Variants in SH3KBP1 observed in about 807,000 individuals in gnomAD.
SH3KBP1 encodes the protein SH3 domain containing kinase binding protein 1, also known as SH3 domain-containing kinase-binding protein 1.
In SH3KBP1, 8 loss-of-function variants were observed where a neutral mutation model predicts 50.1. The observed-to-expected ratio is 0.16, with a 90% CI of 0.09 to 0.29. The LOEUF (loss-of-function observed/expected upper bound fraction) is 0.29, where lower values mean the gene tolerates loss of function less well. Ranked by LOEUF, SH3KBP1 falls within the 10% of genes least tolerant of loss-of-function variation. SH3KBP1 has a pLI of 1.00. For missense variants in SH3KBP1, 377 were observed against 535.2 expected (o/e 0.70, Z 2.92); for synonymous variants, 227 against 218.6 (o/e 1.04, Z -0.34).
chrX:19,722,561 T>TGTGTGTGTGTGTGTGC (rs1268848168), intron 3 of SH3KBP1, among the ~76,000 whole-genome samples: 13 of 94,429 alleles, frequency 1.4e-4, no homozygotes, highest in Admixed American at 4.8e-4. Context: ...TGTGTGCGCG[T>TGTGTGTGTGTGTGTGC]GCGCACTGGT....
chrX:19,683,702 C>T, intron 6 of SH3KBP1, 121 bp downstream of exon 6: 1 of 608,176 alleles, frequency 1.6e-6, no homozygotes, highest in Non-Finnish European at 2.7e-6. Flanking sequence ...GGACAAACAA[C>T]TAGTACATGA....
At chrX:19,537,150 G>A (rs935147233) in intron 17 of SH3KBP1, among the ~76,000 whole-genome samples, 2 of 111,331 alleles carry the variant, frequency 1.8e-5, no homozygotes, top group African/African-American at 3.3e-5. Context: ...GGGGCTTTTC[G>A]CAGAGATGTT....
At chrX:19,672,980 C>CGGGTGG in intron 6 of SH3KBP1, among the ~76,000 whole-genome samples, 1 of 5,868 alleles carries the variant, frequency 1.7e-4, no homozygotes, top group Non-Finnish European at 2.8e-4. Context: ...TTGCTTGAAT[C>CGGGTGG]GGGTGGGGGT....
intron 9 of SH3KBP1, among the ~76,000 whole-genome samples, chrX:19,605,716 C>T (rs1389834950): frequency 8.9e-6 from 1 of 111,796 alleles, no homozygotes; most frequent in African/African-American, 3.3e-5. Flanking sequence ...CCCATGTGCA[C>T]GCTTCACTTT....
chrX:19,698,633 A>G (rs1024321093), intron 4 of SH3KBP1, among the ~76,000 whole-genome samples: 1 of 111,740 alleles, frequency 8.9e-6, no homozygotes, highest in Admixed American at 9.4e-5. Flanking sequence ...GGAGCCCTTC[A>G]TGGGGGTGGT....
At chrX:19,647,859 A>G (rs1289043531) in intron 6 of SH3KBP1, among the ~76,000 whole-genome samples, 1 of 109,351 alleles carries the variant, frequency 9.1e-6, no homozygotes, top group Non-Finnish European at 1.9e-5. Context: ...TCAATCAGAA[A>G]CTCTGGGGAT....
chrX:19,662,570 T>G (rs1477349161), intron 6 of SH3KBP1, among the ~76,000 whole-genome samples: 1 of 111,726 alleles, frequency 9.0e-6, no homozygotes, highest in Non-Finnish European at 1.9e-5. Context: ...AAAAATTCTT[T>G]TGAAACACAA....
intron 3 of SH3KBP1, among the ~76,000 whole-genome samples, chrX:19,711,831 T>C (rs1189234993): frequency 1.8e-5 from 2 of 111,694 alleles, no homozygotes; most frequent in East Asian, 5.6e-4. Flanking sequence ...TTTCCAGGGT[T>C]ACTTCTGGCA....
At chrX:19,585,690 CCAG>C (rs760758680) in intron 12 of SH3KBP1, among the ~76,000 whole-genome samples, 146 of 108,711 alleles carry the variant, frequency 1.3e-3, no homozygotes, top group African/African-American at 4.1e-3. Flanking sequence ...ACCACCACTA[CCAG>C]CAGCAGCAGC....
chrX:19,787,480 A>C (rs2066383336), intron 2 of SH3KBP1, among the ~76,000 whole-genome samples: 1 of 111,911 alleles, frequency 8.9e-6, no homozygotes, highest in African/African-American at 3.2e-5. Flanking sequence ...AATCATAATC[A>C]AATAGTGACT....
intron 8 of SH3KBP1, among the ~76,000 whole-genome samples, chrX:19,609,821 T>C (rs933338150): frequency 1.8e-5 from 2 of 112,363 alleles, no homozygotes; most frequent in Admixed American, 9.4e-5. Flanking sequence ...GTAGAATCAA[T>C]GCAGACTCTT....
At chrX:19,571,257 G>T (rs2065999018) in intron 12 of SH3KBP1, among the ~76,000 whole-genome samples, 1 of 112,195 alleles carries the variant, frequency 8.9e-6, no homozygotes, top group Admixed American at 9.4e-5. Context: ...GGTAGAGCAT[G>T]AACTCCTGTA....
intron 2 of SH3KBP1, among the ~76,000 whole-genome samples, chrX:19,818,791 T>C (rs2067433883): frequency 9.0e-6 from 1 of 111,691 alleles, no homozygotes; most frequent in Non-Finnish European, 1.9e-5. Context: ...TAGTATATAA[T>C]TTTTTTTATA....
At chrX:19,553,909 ATAT>A (rs1222570260) in intron 13 of SH3KBP1, among the ~76,000 whole-genome samples, 3 of 79,047 alleles carry the variant, frequency 3.8e-5, no homozygotes, top group African/African-American at 1.5e-4. Flanking sequence ...TATATATAAA[ATAT>A]TATATATAAT....
chrX:19,816,756 T>A (rs994957659), intron 2 of SH3KBP1, among the ~76,000 whole-genome samples: 9 of 111,698 alleles, frequency 8.1e-5, no homozygotes, highest in African/African-American at 2.9e-4. Context: ...TGCAGTGAGC[T>A]GAGACTGTGC....
In SH3KBP1 at chrX:19,774,855, G is replaced by A. The variant is rs770415908; in HGVS notation, c.163-28414C>T. ...TTAAATTACAGAGAAATCCAAAAAG[G>A]TTTAACTAGACAAAAAAAGTAATCA... is the stretch of plus-strand genomic sequence containing the variant. On this transcript the variant is annotated intron_variant, in intron 2 of 17. Transcript: ENST00000397821. 4.5e-5 allele frequency among the ~76,000 whole-genome samples: 5 copies of A among 110,500 alleles called. No homozygotes were observed. The East Asian group carries it at 1.1e-3, about 25-fold the overall frequency.
chrX:19,658,608 G>A (rs188623007), intron 6 of SH3KBP1, among the ~76,000 whole-genome samples: 60 of 110,263 alleles, frequency 5.4e-4, no homozygotes, highest in Middle Eastern at 9.4e-3. Flanking sequence ...ATTGTCACCC[G>A]GGATGGAGTG....
At chrX:19,867,860 GA>G (rs888237120) in intron 1 of SH3KBP1, among the ~76,000 whole-genome samples, 4 of 109,456 alleles carry the variant, frequency 3.7e-5, no homozygotes, top group South Asian at 3.8e-4. Flanking sequence ...ACTGATGAAA[GA>G]AAAAAAAATT....
At chrX:19,747,099 C>T (rs906715273) in intron 2 of SH3KBP1, among the ~76,000 whole-genome samples, 4 of 111,847 alleles carry the variant, frequency 3.6e-5, no homozygotes, top group African/African-American at 9.8e-5. Flanking sequence ...GCTACACCAG[C>T]GGAACTGAGT....
Sources: allele counts gnomAD v4.1 joint callset (sites outside exome capture counted in the v4.1 genomes callset), GRCh38; gene constraint gnomAD v4.1.1; transcripts MANE v1.5; gene names NCBI Gene and HGNC (gene_info 2026-07-23, HGNC 2026-07-21).